PIWIL2: variants seen among roughly 807,000 people sequenced by gnomAD.
The protein encoded by PIWIL2 is piwi like RNA-mediated gene silencing 2, also known as piwi-like protein 2.
PIWIL2 carries 81 observed loss-of-function variants against 116.5 expected under a neutral mutation model. The observed-to-expected ratio is 0.70, with a 90% confidence interval of 0.58 to 0.84. The LOEUF is 0.84. Among genes scored for constraint, PIWIL2 ranks in the 40% least tolerant of loss-of-function variants. The pLI, the probability that PIWIL2 is intolerant of heterozygous loss-of-function variation, is 0.00. For missense variants in PIWIL2, 1,272 were observed against 1,212.3 expected, an observed-to-expected ratio of 1.05 and a Z score of -0.73; for synonymous variants, 489 against 429.5, an observed-to-expected ratio of 1.14 and a Z score of -1.71.
intron 2 of PIWIL2, among the ~76,000 whole-genome samples, chr8:22,280,442 A>G (rs1830474427): frequency 6.6e-6 from 1 of 152,228 alleles, no homozygotes; most frequent in Non-Finnish European, 1.5e-5. Context: ...TATCAAAGAG[A>G]GTTAGCAAAT....
chr8:22,287,791 G>C, intron 7 of PIWIL2, 146 bp downstream of exon 7: 1 of 640,542 alleles, frequency 1.6e-6, no homozygotes, highest in Non-Finnish European at 2.9e-6. Context: ...ACAGGCGTGT[G>C]AGCCACTTCA....
At chr8:22,331,855 C>T (rs1831869542) in intron 20 of PIWIL2, among the ~76,000 whole-genome samples, 1 of 152,008 alleles carries the variant, frequency 6.6e-6, no homozygotes, top group South Asian at 2.1e-4. Context: ...CTCATTTAAC[C>T]TTAAGTACCT....
intron 14 of PIWIL2, among the ~76,000 whole-genome samples, chr8:22,308,309 G>A (rs1001647894): frequency 4.0e-5 from 6 of 150,886 alleles, no homozygotes; most frequent in African/African-American, 1.5e-4. Context: ...TTTTATTAAC[G>A]GTTTTCTATC....
chr8:22,353,158 T>C lies in PIWIL2; in HGVS notation c.2603T>C (p.Phe868Ser). The C allele has an allele frequency of 1.9e-6, 3 of 1,614,040 alleles. No homozygotes were observed. Among genetic ancestry groups the C allele is most frequent in the Non-Finnish European group, 2.5e-6 (3 of 1,179,912 alleles). ...TNLYLAAPQN[F>S]VTPTPGTVVD... is the part of the protein sequence containing the mutation. Reference sequence around the variant, plus strand: ...CTATATCTGGCTGCTCCTCAGAACTTTGTAACTCCCACTCCTGGAACTGTG... The same window carrying C: ...CTATATCTGGCTGCTCCTCAGAACTCTGTAACTCCCACTCCTGGAACTGTG... The change falls in exon 21 of 23, where the codon TTT becomes TCT. Residue 868 changes from phenylalanine (F) to serine (S), a missense_variant. Coordinates refer to ENST00000356766, the MANE Select transcript of PIWIL2 (RefSeq NM_018068.5).
At chr8:22,353,287 G>A (rs1276217255) in intron 21 of PIWIL2, 75 bp downstream of exon 21, 2 of 1,336,242 alleles carry the variant, frequency 1.5e-6, no homozygotes, top group Non-Finnish European at 1.0e-6. Flanking sequence ...TATTGGAATG[G>A]GGAGGTTTCC....
In PIWIL2 at chr8:22,352,990, T is replaced by C; in HGVS notation, c.2435T>C (p.Val812Ala). Reference sequence around the variant, plus strand: ...CACTGTCTACCAGAGAAGATTGTGGTGTACCGTGATGGAGTGTCTGATGGC... The same window carrying C: ...CACTGTCTACCAGAGAAGATTGTGGCGTACCGTGATGGAGTGTCTGATGGC... ...VNHCLPEKIV[V>A]YRDGVSDGQL... The change falls in exon 21 of 23, where the codon GTG (valine) becomes GCG (alanine). Residue 812 changes from valine (V) to alanine (A), a missense_variant. Transcript: ENST00000356766. 6.2e-7 allele frequency: 1 copy of C among 1,614,022 alleles called. No individual in the cohort carries two copies. The highest frequency in any genetic ancestry group is 8.5e-7 in the Non-Finnish European group (1 of 1,179,914).
At chr8:22,294,899 G>GAAAAAAAAA in intron 10 of PIWIL2, among the ~76,000 whole-genome samples, 1 of 79,420 alleles carries the variant, frequency 1.3e-5, no homozygotes, top group Non-Finnish European at 2.1e-5. Flanking sequence ...CATCTTTACT[G>GAAAAAAAAA]GAAAAAAAAA....
rs751280002 is a variant in PIWIL2, at chr8:22,303,922, A to G, written c.1182-99A>G. 603 of 709,216 alleles carry G rather than the reference A, an allele frequency of 8.5e-4. 1 individual carries two copies. The highest frequency in any genetic ancestry group is 1.2e-3 in the Non-Finnish European group (517 of 429,278). 43.9% of individuals were successfully genotyped at this position (709,216 alleles called of 1,614,324 possible). A position where few individuals can be genotyped will look rare whatever the true frequency, so the allele number is the denominator to read the frequency against. ...CACAACTGGAGCCTTCTGGTGCTAT[A>G]TAGCTGTGATTAGATTCCTCAATTA... is the stretch of plus-strand genomic sequence containing the variant. On this transcript the variant is annotated intron_variant, in intron 10 of 22. Transcript: ENST00000356766.
At chr8:22,290,119 T>A in intron 9 of PIWIL2, 114 bp from the exon 10 acceptor site, 1 of 725,176 alleles carries the variant, frequency 1.4e-6, no homozygotes, top group Non-Finnish European at 2.3e-6. Flanking sequence ...TTCTTGAGGC[T>A]TTCTCATTAC....
chr8:22,332,044 T>A (rs1831875360), intron 20 of PIWIL2, among the ~76,000 whole-genome samples: 2 of 151,988 alleles, frequency 1.3e-5, no homozygotes, highest in Admixed American at 1.3e-4. Context: ...ATAATCAAAC[T>A]AGCCTGTAAT....
intron 6 of PIWIL2, among the ~76,000 whole-genome samples, chr8:22,287,234 G>C (rs1268465954): frequency 6.6e-6 from 1 of 152,198 alleles, no homozygotes; most frequent in Non-Finnish European, 1.5e-5. Context: ...GCGGCAGAGC[G>C]AGACTCCGTC....
intron 20 of PIWIL2, among the ~76,000 whole-genome samples, chr8:22,345,697 A>G (rs1471619889): frequency 2.0e-5 from 3 of 152,166 alleles, no homozygotes; most frequent in Non-Finnish European, 2.9e-5. Context: ...AAAACCCACA[A>G]ATGTCCACAA....
At chr8:22,308,300 T>C (rs569539506) in intron 14 of PIWIL2, among the ~76,000 whole-genome samples, 70 of 152,224 alleles carry the variant, frequency 4.6e-4, no homozygotes, top group Non-Finnish European at 8.5e-4. Context: ...CCTGATACTT[T>C]TTATTAACGG....
At chr8:22,308,098 A>G (rs767907716) in intron 14 of PIWIL2, 25 bp downstream of exon 14, 13 of 1,603,290 alleles carry the variant, frequency 8.1e-6, no homozygotes, top group Middle Eastern at 1.7e-4. Flanking sequence ...GTGATGGTGT[A>G]TGCACATGTA....
intron 20 of PIWIL2, among the ~76,000 whole-genome samples, chr8:22,328,620 G>A (rs1831782191): frequency 6.6e-6 from 1 of 151,972 alleles, no homozygotes; most frequent in African/African-American, 2.4e-5. Flanking sequence ...GCAGTGTTTT[G>A]TAGTTTCCAT....
chr8:22,305,122 CA>C (rs1258338140), intron 12 of PIWIL2, among the ~76,000 whole-genome samples: 5 of 152,068 alleles, frequency 3.3e-5, no homozygotes, highest in African/African-American at 1.2e-4. Context: ...GGAGAATTTC[CA>C]GTGAAGGAAG....
At chr8:22,332,859 A>G (rs905465709) in intron 20 of PIWIL2, among the ~76,000 whole-genome samples, 1 of 152,148 alleles carries the variant, frequency 6.6e-6, no homozygotes, top group East Asian at 1.9e-4. Flanking sequence ...GCTAGAAGGA[A>G]CATGATCCCA....
At chr8:22,311,356 C>G in intron 16 of PIWIL2, 56 bp downstream of exon 16, 1 of 1,389,964 alleles carries the variant, frequency 7.2e-7, no homozygotes, top group East Asian at 2.3e-5. Context: ...TACTTAAATA[C>G]TTAATTTTAA....
In PIWIL2 at chr8:22,288,571, A is replaced by T. The variant is rs774855565; in HGVS notation, c.891A>T (p.Thr297=). The change falls in exon 8 of 23, where the codon ACA becomes ACT. Residue 297 remains threonine (T), a synonymous_variant. Coordinates refer to ENST00000356766, the MANE Select transcript of PIWIL2 (RefSeq NM_018068.5). ...QVLELKSQRK[T]DSAEISIKIQ... ...TTGAGTTAAAAAGTCAAAGGAAAACAGACAGTGCTGAAATCAGCATTAAGA... is the reference window on the plus strand; with the variant it reads ...TTGAGTTAAAAAGTCAAAGGAAAACTGACAGTGCTGAAATCAGCATTAAGA... The T allele has an allele frequency of 6.2e-7, 1 of 1,612,492 alleles. No homozygotes were observed.
Sources: allele counts gnomAD v4.1 joint callset (sites outside exome capture counted in the v4.1 genomes callset), GRCh38; gene constraint gnomAD v4.1.1; transcripts MANE v1.5; gene names NCBI Gene and HGNC (gene_info 2026-07-23, HGNC 2026-07-21).